Variants in LRFN5 observed in about 807,000 individuals in gnomAD.
LRFN5 encodes leucine rich repeat and fibronectin type III domain containing 5, also known as leucine-rich repeat and fibronectin type-III domain-containing protein 5.
LRFN5 carries 24 observed loss-of-function variants against 45.6 expected under a neutral mutation model. The observed-to-expected ratio is 0.53, with a 90% confidence interval of 0.38 to 0.74. The LOEUF is 0.74. LRFN5 is among the 30% of genes least tolerant of loss of function. The pLI is 0.00. For synonymous variants in LRFN5, 340 were observed against 313.8 expected, an observed-to-expected ratio of 1.08 and a Z score of -0.88; for missense variants, 776 against 861.5, an observed-to-expected ratio of 0.90 and a Z score of 1.24.
At chr14:41,693,207 T>G (rs12880770) in intron 1 of LRFN5, among the ~76,000 whole-genome samples, 44,962 of 152,002 alleles carry the variant, frequency 0.3, 6,762 homozygotes, top group Middle Eastern at 0.38. Context: ...TGGAAGTTGT[T>G]CTGTGTCTTT....
intron 1 of LRFN5, among the ~76,000 whole-genome samples, chr14:41,677,524 T>C (rs753395658): frequency 1.3e-5 from 2 of 152,032 alleles, no homozygotes; most frequent in Non-Finnish European, 2.9e-5. Flanking sequence ...AAATGCCTCA[T>C]AAAATACAGA....
rs74437601 is a variant in LRFN5 at position 41,826,255 on chromosome 14, T to C, written c.-21+59226T>C. Among the ~76,000 whole-genome samples the C allele has an allele frequency of 3.5e-3, 534 of 152,288 alleles. 5 individuals carry two copies. The highest frequency in any genetic ancestry group is 0.012 in the African/African-American group (513 of 41,556). On this transcript the variant is annotated intron_variant, in intron 2 of 5. Coordinates refer to ENST00000298119, the MANE Select transcript of LRFN5 (RefSeq NM_152447.5). ...GTTGCTCATTACATTATGAAGATTA[T>C]GTAGATACTTTAAAAGTGACTTTCT...
At chr14:41,745,519 T>C (rs1040152033) in intron 1 of LRFN5, among the ~76,000 whole-genome samples, 1 of 151,622 alleles carries the variant, frequency 6.6e-6, no homozygotes, top group Admixed American at 6.6e-5. Context: ...CAGAGGGAAA[T>C]AAATAGTAAA....
At chr14:41,870,990 T>C (rs1200547120) in intron 2 of LRFN5, among the ~76,000 whole-genome samples, 6 of 152,122 alleles carry the variant, frequency 3.9e-5, no homozygotes, top group African/African-American at 7.2e-5. Flanking sequence ...TCAGTACATA[T>C]TAGGTTGCAT....
At chr14:41,679,361 G>C (rs1881782522) in intron 1 of LRFN5, among the ~76,000 whole-genome samples, 1 of 151,990 alleles carries the variant, frequency 6.6e-6, no homozygotes, top group Non-Finnish European at 1.5e-5. Flanking sequence ...CATTCTGCTT[G>C]AGGAGAAGTG....
intron 1 of LRFN5, among the ~76,000 whole-genome samples, chr14:41,744,817 A>G (rs1884853078): frequency 6.6e-6 from 1 of 152,216 alleles, no homozygotes; most frequent in Admixed American, 6.5e-5. Context: ...TATTAATAAA[A>G]GTTGAGCAAG....
chr14:41,821,510 G>A (rs1037051923), intron 2 of LRFN5, among the ~76,000 whole-genome samples: 1 of 151,834 alleles, frequency 6.6e-6, no homozygotes, highest in African/African-American at 2.4e-5. Flanking sequence ...ACTTTTTGAT[G>A]TGCTGTTGGA....
chr14:41,865,354 T>C (rs570110619), intron 2 of LRFN5, among the ~76,000 whole-genome samples: 1 of 152,296 alleles, frequency 6.6e-6, no homozygotes, highest in African/African-American at 2.4e-5. Flanking sequence ...GCTGTTTTTA[T>C]GTAGCATGAT....
rs1196322113 is a variant in LRFN5 at position 41,670,215 on chromosome 14, G to GTA, written c.-197+61661_-197+61662dup. Among the ~76,000 whole-genome samples the GTA allele has an allele frequency of 2.9e-3, 328 of 113,398 alleles. 5 individuals carry two copies. The highest frequency in any genetic ancestry group is 0.01 in the African/African-American group (310 of 30,588). The allele number at this position is 113,398 out of a possible 152,430, so 74.4% of individuals were successfully genotyped here. A position where few individuals can be genotyped will look rare whatever the true frequency, so the allele number is the denominator to read the frequency against. ...ATATATACATTCTCTGTGTGTGTGT[G>GTA]TATATATATGTATACACACACACAC... On this transcript the variant is annotated intron_variant, in intron 1 of 5. Transcript: ENST00000298119.
At chr14:41,802,217 A>G (rs1278931700) in intron 2 of LRFN5, among the ~76,000 whole-genome samples, 1 of 152,156 alleles carries the variant, frequency 6.6e-6, no homozygotes, top group Non-Finnish European at 1.5e-5. Context: ...AAAGAAACCT[A>G]AGTATAGATG....
At chr14:41,650,236 TACACACACAC>T (rs1555351105) in intron 1 of LRFN5, among the ~76,000 whole-genome samples, 1 of 128,168 alleles carries the variant, frequency 7.8e-6, no homozygotes, top group Non-Finnish European at 1.6e-5. Context: ...TCTACAAAAA[TACACACACAC>T]ACACACACAC....
intron 2 of LRFN5, among the ~76,000 whole-genome samples, chr14:41,875,465 G>T (rs1057298720): frequency 6.2e-4 from 95 of 152,188 alleles, no homozygotes; most frequent in African/African-American, 2.2e-3. Flanking sequence ...GGATCCATGG[G>T]TTCCCAATAT....
chr14:41,615,512 T>TC (rs1887899467), intron 1 of LRFN5, among the ~76,000 whole-genome samples: 1 of 152,168 alleles, frequency 6.6e-6, no homozygotes, highest in African/African-American at 2.4e-5. Flanking sequence ...TTAATAAATG[T>TC]TAGCTATCAT....
intron 1 of LRFN5, among the ~76,000 whole-genome samples, chr14:41,654,913 G>A (rs1344082506): frequency 6.6e-6 from 1 of 152,010 alleles, no homozygotes. Context: ...TAGGTGCTAC[G>A]CTCTGCAACC....
At chr14:41,788,064 T>G (rs1360322929) in intron 2 of LRFN5, among the ~76,000 whole-genome samples, 2 of 152,124 alleles carry the variant, frequency 1.3e-5, no homozygotes, top group Non-Finnish European at 2.9e-5. Flanking sequence ...TCAACTCTTC[T>G]GGCTCCCTGA....
At chr14:41,861,446 T>C (rs971390272) in intron 2 of LRFN5, among the ~76,000 whole-genome samples, 1 of 152,234 alleles carries the variant, frequency 6.6e-6, no homozygotes, top group Non-Finnish European at 1.5e-5. Flanking sequence ...AATACATTGC[T>C]ATCATGTATT....
intron 1 of LRFN5, among the ~76,000 whole-genome samples, chr14:41,654,353 T>C (rs760168287): frequency 1.3e-5 from 2 of 151,580 alleles, no homozygotes; most frequent in Non-Finnish European, 2.9e-5. Flanking sequence ...CAGAGAAGAG[T>C]TCCAGGCAAG....
chr14:41,632,647 C>T (rs917455731), intron 1 of LRFN5, among the ~76,000 whole-genome samples: 1 of 152,114 alleles, frequency 6.6e-6, no homozygotes, highest in South Asian at 2.1e-4. Context: ...TACATTTATA[C>T]AGATGAGGAA....
chr14:41,830,581 A>G (rs1212965308), intron 2 of LRFN5, among the ~76,000 whole-genome samples: 2 of 152,172 alleles, frequency 1.3e-5, no homozygotes, highest in African/African-American at 4.8e-5. Flanking sequence ...TTTGAAGAAT[A>G]AAGAATGAAT....
Sources: allele counts gnomAD v4.1 joint callset (sites outside exome capture counted in the v4.1 genomes callset), GRCh38; gene constraint gnomAD v4.1.1; transcripts MANE v1.5; gene names NCBI Gene and HGNC (gene_info 2026-07-23, HGNC 2026-07-21).